The following GLIS3 variants were observed in gnomAD, a reference collection of about 807,000 sequenced individuals.
GLIS3 encodes GLIS family zinc finger 3, also known as zinc finger protein GLIS3.
Under a neutral mutation model 78.6 loss-of-function variants are expected in GLIS3, and 53 were observed. The ratio of observed to expected loss-of-function variants is 0.67; its 90% CI spans 0.54 to 0.85. The LOEUF is 0.85. Ranked by LOEUF, GLIS3 falls within the 40% of genes least tolerant of loss-of-function variation. The pLI is 0.00. For synonymous variants in GLIS3, 684 were observed against 509.9 expected (o/e 1.34, Z -4.60); for missense variants, 1,703 against 1,231.1 (o/e 1.38, Z -5.74).
intron 8 of GLIS3, among the ~76,000 whole-genome samples, chr9:3,870,271 A>C (rs1181897436): frequency 6.6e-6 from 1 of 152,240 alleles, no homozygotes; most frequent in African/African-American, 2.4e-5. Flanking sequence ...CTATGATGGA[A>C]TAAAACAAGA....
At chr9:4,141,855 G>A (rs1320029703) in intron 2 of GLIS3, among the ~76,000 whole-genome samples, 1 of 152,202 alleles carries the variant, frequency 6.6e-6, no homozygotes, top group Non-Finnish European at 1.5e-5. Context: ...CAATCTGGCT[G>A]AGGCCTACAT....
At chr9:4,057,341 T>A (rs1411311512) in intron 4 of GLIS3, among the ~76,000 whole-genome samples, 1 of 152,170 alleles carries the variant, frequency 6.6e-6, no homozygotes, top group African/African-American at 2.4e-5. Context: ...ATTATGAAAC[T>A]CGTTCTCCTT....
intron 2 of GLIS3, among the ~76,000 whole-genome samples, chr9:4,178,792 T>C (rs146765136): frequency 6.6e-5 from 10 of 152,168 alleles, no homozygotes; most frequent in Non-Finnish European, 1.3e-4. Context: ...CCCACACCCA[T>C]TATTCATTAA....
Position 3,977,156 on chromosome 9 carries a change from G to A in GLIS3, c.1711-39967C>T, listed in dbSNP as rs894853843. Among the ~76,000 whole-genome samples, 1 of 152,112 alleles carries A rather than the reference G, an allele frequency of 6.6e-6. No homozygotes were observed. The highest frequency in any genetic ancestry group is 6.6e-5 in the Admixed American group (1 of 15,244). On this transcript the variant is annotated intron_variant, in intron 4 of 10. Coordinates refer to ENST00000381971, the MANE Select transcript of GLIS3 (RefSeq NM_001042413.2). This position sits in a 1 kb window ranked among gnomAD's most constrained non-coding sequence, Gnocchi z 4.1. ...AGGATCTGCAGAATTCACACCACTC[G>A]ATACCGAATGCTTACAACTCCCAAG...
In GLIS3 at chr9:4,146,290, G is replaced by A. The variant is rs149054189; in HGVS notation, c.389-20349C>T. On this transcript the variant is annotated intron_variant, in intron 2 of 10. Coordinates refer to ENST00000381971, the MANE Select transcript of GLIS3 (RefSeq NM_001042413.2). Reference sequence around the variant, plus strand: ...TAAATATCGATTATTTGAAACCGTTGAATATCTACTATAGTTCTAGATAAG... The same window carrying A: ...TAAATATCGATTATTTGAAACCGTTAAATATCTACTATAGTTCTAGATAAG... Among the ~76,000 whole-genome samples the A allele has an allele frequency of 2.1e-3, 320 of 152,208 alleles. 3 individuals are homozygous for A. Among genetic ancestry groups the A allele is most frequent in the African/African-American group, 7.3e-3 (304 of 41,546 alleles).
intron 4 of GLIS3, among the ~76,000 whole-genome samples, chr9:4,066,842 G>A (rs532669629): frequency 3.3e-5 from 5 of 152,136 alleles, no homozygotes; most frequent in Non-Finnish European, 7.4e-5. Flanking sequence ...CATGTGGGAC[G>A]CCCAGTGGCA....
intron 4 of GLIS3, among the ~76,000 whole-genome samples, chr9:3,993,846 T>C (rs1306079179): frequency 2.6e-5 from 4 of 152,238 alleles, no homozygotes; most frequent in Non-Finnish European, 5.9e-5. Flanking sequence ...TCATTTTTTT[T>C]CTGTTATAAA....
the GLIS3 span, among the ~76,000 whole-genome samples, chr9:4,436,710 G>A: frequency 4.0e-5 from 6 of 149,990 alleles, no homozygotes; most frequent in African/African-American, 1.5e-4. Context: ...GGAGGCTGAG[G>A]CAGGAGAATT....
rs187515914 is a variant in GLIS3 at position 3,991,765 on chromosome 9, A to G, written c.1711-54576T>C. Among the ~76,000 whole-genome samples, 8 of 135,050 alleles carry G rather than the reference A, an allele frequency of 5.9e-5. No homozygotes were observed. The South Asian group carries it at 1.2e-3, about 20-fold the overall frequency. The allele number at this position is 135,050 out of a possible 152,430, so 88.6% of individuals were successfully genotyped here. On this transcript the variant is annotated intron_variant, in intron 4 of 10. Coordinates refer to ENST00000381971, the MANE Select transcript of GLIS3 (RefSeq NM_001042413.2). ...GAGTGCAGTGGTGGGATCTCGGCTC[A>G]CTGCAAGCTCCGCCTCCCGGCTTCA... is the stretch of plus-strand genomic sequence containing the variant.
At chr9:4,004,623 T>G (rs1357321590) in intron 4 of GLIS3, among the ~76,000 whole-genome samples, 1 of 152,124 alleles carries the variant, frequency 6.6e-6, no homozygotes, top group East Asian at 1.9e-4. Flanking sequence ...CTATGGCATA[T>G]CCAGGGCCAG....
At chr9:4,387,015 T>G in the GLIS3 span, among the ~76,000 whole-genome samples, 9 of 152,314 alleles carry the variant, frequency 5.9e-5, no homozygotes, top group Admixed American at 5.2e-4. Flanking sequence ...CCAGGGGTGG[T>G]GTCTTCACCT....
intron 4 of GLIS3, among the ~76,000 whole-genome samples, chr9:4,114,692 C>G (rs1193804580): frequency 6.6e-6 from 1 of 152,076 alleles, no homozygotes; most frequent in African/African-American, 2.4e-5. Flanking sequence ...CTGAGGTCTG[C>G]CTGTCTGTCT....
At chr9:4,045,854 C>T (rs561245517) in intron 4 of GLIS3, among the ~76,000 whole-genome samples, 3 of 152,210 alleles carry the variant, frequency 2.0e-5, no homozygotes, top group African/African-American at 7.2e-5. Context: ...GAAAGATGTG[C>T]CAAAAGTTGG....
At chr9:4,342,254 A>C (rs1817843158) in intron 2 of GLIS3, among the ~76,000 whole-genome samples, 1 of 151,970 alleles carries the variant, frequency 6.6e-6, no homozygotes, top group Admixed American at 6.6e-5. Flanking sequence ...ACCCATCTTG[A>C]GTTAATTTTT....
chr9:4,320,731 C>A (rs140452196), intron 2 of GLIS3, among the ~76,000 whole-genome samples: 1 of 152,054 alleles, frequency 6.6e-6, no homozygotes, highest in African/African-American at 2.4e-5. Flanking sequence ...GCCAGCACCC[C>A]GGGAACCATC....
At chr9:4,110,088 C>T (rs1366100015) in intron 4 of GLIS3, among the ~76,000 whole-genome samples, 1 of 152,108 alleles carries the variant, frequency 6.6e-6, no homozygotes, top group Non-Finnish European at 1.5e-5. Flanking sequence ...TTTCTGTATC[C>T]CCCGGGTAAG....
the GLIS3 span, among the ~76,000 whole-genome samples, chr9:4,489,244 T>C: frequency 0.024 from 3,603 of 152,316 alleles, 142 homozygotes; most frequent in African/African-American, 0.082. Flanking sequence ...TCTCTCAAAG[T>C]TTACTTTCTA....
chr9:4,117,212 C>A lies in GLIS3; in HGVS notation c.1710+556G>T, dbSNP rs377434517. ...GTGTATCCCCTGGGTGATTTTATGC[C>A]GACTATAAATCATTAGCTAGTCTCT... is the stretch of plus-strand genomic sequence containing the variant. On this transcript the variant is annotated intron_variant, in intron 4 of 10. Transcript: ENST00000381971. Among the ~76,000 whole-genome samples the A allele has an allele frequency of 3.2e-4, 48 of 152,158 alleles. No individual in the cohort carries two copies. In the South Asian group the frequency reaches 8.5e-3, roughly 27 times the overall value.
chr9:3,925,013 G>A (rs529843248), intron 6 of GLIS3, among the ~76,000 whole-genome samples: 112 of 152,204 alleles, frequency 7.4e-4, no homozygotes, highest in African/African-American at 2.5e-3. Context: ...TCAGAGGGTC[G>A]TCATTCCTTA....
Sources: gnomAD v4.1 joint callset for allele counts (sites outside exome capture counted in the v4.1 genomes callset) on GRCh38, gnomAD v4.1.1 for gene constraint, Gnocchi (gnomAD v3.1) non-coding constraint, MANE v1.5 for transcripts, NCBI Gene and HGNC (gene_info 2026-07-23, HGNC 2026-07-21) for gene names.